Variants in HEMK2 observed in about 807,000 individuals in gnomAD.
HEMK2 encodes HemK methyltransferase 2, ETF1 glutamine and histone H4 lysine.
At chr21:28,599,628 A>G in the HEMK2 span, among the ~76,000 whole-genome samples, 1 of 152,144 alleles carries the variant, frequency 6.6e-6, no homozygotes, top group Non-Finnish European at 1.5e-5. Context: ...TTACATTTCA[A>G]AACCAATCAT....
At chr21:28,576,588 T>C in the HEMK2 span, among the ~76,000 whole-genome samples, 1 of 152,350 alleles carries the variant, frequency 6.6e-6, no homozygotes. Context: ...ATTCAATTTA[T>C]AATTTTTTAT....
the HEMK2 span, among the ~76,000 whole-genome samples, chr21:28,619,952 A>C: frequency 5.3e-5 from 8 of 152,116 alleles, no homozygotes. Context: ...ACATGATGGG[A>C]TTTTCTAAAT....
chr21:28,613,271 C>T, the HEMK2 span, among the ~76,000 whole-genome samples: 2 of 152,040 alleles, frequency 1.3e-5, no homozygotes, highest in Non-Finnish European at 2.9e-5. Flanking sequence ...TGAAGTGGTA[C>T]ACATGATCGG....
At chr21:28,678,169 C>T in the HEMK2 span, among the ~76,000 whole-genome samples, 1 of 152,110 alleles carries the variant, frequency 6.6e-6, no homozygotes, top group Non-Finnish European at 1.5e-5. Flanking sequence ...AAATGGCTAA[C>T]TAGAATAACC....
At chr21:28,853,708 A>G in the HEMK2 span, among the ~76,000 whole-genome samples, 1 of 152,210 alleles carries the variant, frequency 6.6e-6, no homozygotes, top group South Asian at 2.1e-4. Flanking sequence ...CTCCTCAGAC[A>G]AAGGTGGAAA....
chr21:28,773,781 T>C, the HEMK2 span, among the ~76,000 whole-genome samples: 1 of 152,198 alleles, frequency 6.6e-6, no homozygotes, highest in Non-Finnish European at 1.5e-5. Context: ...GGTTTCTACC[T>C]GAAAGCCAGA....
At chr21:28,811,398 AGAGAAGGAAG>A in the HEMK2 span, among the ~76,000 whole-genome samples, 2 of 93,426 alleles carry the variant, frequency 2.1e-5, no homozygotes, top group African/African-American at 6.3e-5. Context: ...AAGGAGAAAC[AGAGAAGGAAG>A]GAAGGAAGGA....
the HEMK2 span, among the ~76,000 whole-genome samples, chr21:28,864,820 C>CAGATAGATAGATAGATAGATAGATAGAT: frequency 8.4e-6 from 1 of 119,100 alleles, no homozygotes. Context: ...GACAGACAGA[C>CAGATAGATAGATAGATAGATAGATAGAT]AGATAGATAG....
At chr21:28,838,964 AAAAAAAAAATATAT>A in the HEMK2 span, among the ~76,000 whole-genome samples, 2 of 55,106 alleles carry the variant, frequency 3.6e-5, no homozygotes, top group African/African-American at 7.9e-5. Context: ...AAAAAAAAAA[AAAAAAAAAATATAT>A]ATATATATAT....
the HEMK2 span, among the ~76,000 whole-genome samples, chr21:28,588,309 C>T: frequency 6.6e-6 from 1 of 152,180 alleles, no homozygotes; most frequent in East Asian, 1.9e-4. Flanking sequence ...AACTGTCACC[C>T]TCACACTACA....
chr21:28,580,021 A>C, the HEMK2 span, among the ~76,000 whole-genome samples: 1 of 152,350 alleles, frequency 6.6e-6, no homozygotes, highest in East Asian at 1.9e-4. Context: ...CACAATTCTG[A>C]ATCTCTAAGA....
chr21:28,739,002 T>C, the HEMK2 span, among the ~76,000 whole-genome samples: 1 of 152,190 alleles, frequency 6.6e-6, no homozygotes, highest in Non-Finnish European at 1.5e-5. Flanking sequence ...GAAATATACC[T>C]ACACTGGATC....
the HEMK2 span, among the ~76,000 whole-genome samples, chr21:28,739,943 A>G: frequency 6.6e-6 from 1 of 152,226 alleles, no homozygotes; most frequent in Non-Finnish European, 1.5e-5. Flanking sequence ...AGAAAGGTCT[A>G]CTTTGTATCA....
chr21:28,876,983 T>TGGAGGGAG, the HEMK2 span, among the ~76,000 whole-genome samples: 77 of 79,696 alleles, frequency 9.7e-4, 1 homozygote, highest in African/African-American at 4.5e-3. Flanking sequence ...ACTAAGACAA[T>TGGAGGGAG]GGAGGGAGGG....
At chr21:28,604,566 T>C in the HEMK2 span, among the ~76,000 whole-genome samples, 104 of 152,306 alleles carry the variant, frequency 6.8e-4, 1 homozygote, top group African/African-American at 2.4e-3. Context: ...GATAGAAATG[T>C]CTATTTTATT....
At chr21:28,626,254 G>C in the HEMK2 span, among the ~76,000 whole-genome samples, 1 of 152,174 alleles carries the variant, frequency 6.6e-6, no homozygotes, top group Non-Finnish European at 1.5e-5. Context: ...AGTGTATTAA[G>C]TGTAGTTATA....
chr21:28,768,557 T>C, the HEMK2 span, among the ~76,000 whole-genome samples: 1 of 151,932 alleles, frequency 6.6e-6, no homozygotes, highest in Non-Finnish European at 1.5e-5. Flanking sequence ...GAAGTACCCT[T>C]CTCCTCATGT....
chr21:28,664,201 G>C, the HEMK2 span, among the ~76,000 whole-genome samples: 2 of 152,100 alleles, frequency 1.3e-5, no homozygotes, highest in African/African-American at 4.8e-5. Flanking sequence ...TACCCATATG[G>C]AAGCTTTACA....
the HEMK2 span, among the ~76,000 whole-genome samples, chr21:28,802,635 G>C: frequency 6.6e-6 from 1 of 152,194 alleles, no homozygotes; most frequent in African/African-American, 2.4e-5. Flanking sequence ...GGAGGCAGAG[G>C]CAGGGGAATC....
Sources: allele counts gnomAD v4.1 joint callset (sites outside exome capture counted in the v4.1 genomes callset), GRCh38; gene constraint gnomAD v4.1.1; transcripts MANE v1.5; gene names NCBI Gene and HGNC (gene_info 2026-07-23, HGNC 2026-07-21).